PCNX1: variants seen among roughly 807,000 people sequenced by gnomAD.
PCNX1 encodes pecanex 1.
A neutral mutation model predicts 242.2 loss-of-function variants in PCNX1; 78 were observed. The observed-to-expected ratio is 0.32, with a 90% confidence interval of 0.27 to 0.39. PCNX1 has a LOEUF of 0.39. PCNX1 is among the 10% of genes least tolerant of loss of function. PCNX1 has a pLI of 1.00. For synonymous variants in PCNX1, 1,024 were observed against 1,032.9 expected, an observed-to-expected ratio of 0.99 and a Z score of 0.17; for missense variants, 2,581 against 2,856.5, an observed-to-expected ratio of 0.90 and a Z score of 2.20.
chr14:70,988,833 C>CCTTTTTGGCTTTTT, intron 7 of PCNX1, 134 bp downstream of exon 7: 1 of 1,099,206 alleles, frequency 9.1e-7, no homozygotes, highest in South Asian at 1.6e-5. Flanking sequence ...ACATTTAAGC[C>CCTTTTTGGCTTTTT]CTTTTTGGCT....
intron 28 of PCNX1, chr14:71,085,424 A>G (rs2061961589): frequency 6.6e-6 from 1 of 152,240 alleles, no homozygotes; most frequent in Non-Finnish European, 1.5e-5. Flanking sequence ...TTATTAATAC[A>G]AACACAAACT....
chr14:71,055,167 C>G (rs917763208), intron 24 of PCNX1, among the ~76,000 whole-genome samples: 1 of 152,140 alleles, frequency 6.6e-6, no homozygotes, highest in Non-Finnish European at 1.5e-5. Flanking sequence ...AAAGAATGTT[C>G]TAACCTCTTT....
chr14:70,994,396 G>GATAGATAGATATATATATATATATAT (rs1555357306), intron 7 of PCNX1, among the ~76,000 whole-genome samples: 2 of 96,970 alleles, frequency 2.1e-5, no homozygotes, highest in South Asian at 4.1e-4. Flanking sequence ...ACAGGCTTAA[G>GATAGATAGATATATATATATATATAT]ATATATATAT....
Position 71,105,359 on chromosome 14 carries a change from A to G in PCNX1, c.6220A>G (p.Thr2074Ala). 1 of 1,614,110 alleles carries G rather than the reference A, an allele frequency of 6.2e-7. No individual in the cohort carries two copies. Among genetic ancestry groups the G allele is most frequent in the Non-Finnish European group, 8.5e-7 (1 of 1,179,986 alleles). ...TTANNPHSNV[T>A]QGSIGNPGQG... ...TGCCAACAATCCCCACAGCAACGTG[A>G]CCCAGGGAAGCATTGGAAATCCTGG... Residue 2074 changes from threonine (T) to alanine (A), a missense_variant, in exon 33 of 36, where the codon ACC becomes GCC. Transcript: ENST00000304743.
chr14:71,024,595 C>G (rs1437043963), intron 13 of PCNX1, among the ~76,000 whole-genome samples: 1 of 152,062 alleles, frequency 6.6e-6, no homozygotes, highest in African/African-American at 2.4e-5. Context: ...AGGAATACTG[C>G]AAAAGTGCAT....
At chr14:71,085,060 G>A (rs868013755) in intron 28 of PCNX1, among the ~76,000 whole-genome samples, 25 of 152,154 alleles carry the variant, frequency 1.6e-4, no homozygotes, top group African/African-American at 4.8e-4. Context: ...TGTTCCTCAC[G>A]GCACGGTCCA....
At chr14:71,065,304 C>T (rs146488742) in intron 26 of PCNX1, among the ~76,000 whole-genome samples, 129 of 152,226 alleles carry the variant, frequency 8.5e-4, no homozygotes, top group African/African-American at 2.9e-3. Context: ...TTTTAATGAT[C>T]GCCATTGTAA....
At chr14:71,030,478 C>G (rs559878149) in intron 16 of PCNX1, among the ~76,000 whole-genome samples, 4 of 152,120 alleles carry the variant, frequency 2.6e-5, no homozygotes, top group Non-Finnish European at 5.9e-5. Context: ...TCTAGGGTTT[C>G]CTTGCCCACG....
intron 19 of PCNX1, among the ~76,000 whole-genome samples, chr14:71,036,621 GTCTA>G (rs2060541873): frequency 6.6e-6 from 1 of 152,112 alleles, no homozygotes; most frequent in African/African-American, 2.4e-5. Context: ...ATACTATCTT[GTCTA>G]TCTATGTAAG....
At chr14:71,021,220 C>G (rs2060092259) in intron 12 of PCNX1, among the ~76,000 whole-genome samples, 1 of 151,848 alleles carries the variant, frequency 6.6e-6, no homozygotes, top group African/African-American at 2.4e-5. Flanking sequence ...ATTTTTTTTG[C>G]TTAGGATTGT....
chr14:70,929,248 T>TC (rs2056700731), intron 1 of PCNX1, among the ~76,000 whole-genome samples: 1 of 152,102 alleles, frequency 6.6e-6, no homozygotes, highest in Non-Finnish European at 1.5e-5. Flanking sequence ...GTTTTTTTTT[T>TC]TCCCCTCTTA....
chr14:70,928,164 T>TA (rs1246600261), intron 1 of PCNX1, among the ~76,000 whole-genome samples: 1 of 152,186 alleles, frequency 6.6e-6, no homozygotes, highest in Non-Finnish European at 1.5e-5. Flanking sequence ...AGAATATAGT[T>TA]ATACTTTTAT....
At chr14:71,080,353 C>T (rs866224209) in intron 28 of PCNX1, among the ~76,000 whole-genome samples, 2 of 152,070 alleles carry the variant, frequency 1.3e-5, no homozygotes, top group African/African-American at 4.8e-5. Flanking sequence ...CTTGGCTATG[C>T]GGGCTCTTTT....
At chr14:70,961,743 A>G (rs1397547937) in intron 2 of PCNX1, among the ~76,000 whole-genome samples, 1 of 152,226 alleles carries the variant, frequency 6.6e-6, no homozygotes, top group Non-Finnish European at 1.5e-5. Flanking sequence ...TAGCTTGACC[A>G]GGGCGACTGT....
chr14:71,040,001 G>T (rs1003179641), intron 19 of PCNX1, among the ~76,000 whole-genome samples: 1 of 152,192 alleles, frequency 6.6e-6, no homozygotes, highest in South Asian at 2.1e-4. Flanking sequence ...ATTTAGGGAT[G>T]AAGTCTCACT....
At chr14:70,991,080 A>G (rs574024434) in intron 7 of PCNX1, among the ~76,000 whole-genome samples, 8 of 152,180 alleles carry the variant, frequency 5.3e-5, no homozygotes, top group African/African-American at 1.7e-4. Flanking sequence ...TTTGTCCTCT[A>G]CTAGGTGGAA....
At chr14:71,086,936 T>C (rs1222298353) in intron 28 of PCNX1, among the ~76,000 whole-genome samples, 1 of 152,092 alleles carries the variant, frequency 6.6e-6, no homozygotes, top group Non-Finnish European at 1.5e-5. Flanking sequence ...CTGTTTCAGC[T>C]AGGGGGGTAA....
At chr14:70,918,798 A>G (rs185908804) in intron 1 of PCNX1, among the ~76,000 whole-genome samples, 11 of 151,336 alleles carry the variant, frequency 7.3e-5, no homozygotes, top group African/African-American at 2.4e-4. Flanking sequence ...TTGTTTTCCC[A>G]CTCTCACATA....
chr14:71,022,455 T>G (rs2060130102), intron 12 of PCNX1, among the ~76,000 whole-genome samples: 1 of 152,164 alleles, frequency 6.6e-6, no homozygotes, highest in Non-Finnish European at 1.5e-5. Context: ...TAAAAGAGTT[T>G]AAAGATTATC....
Sources: gnomAD v4.1 joint callset for allele counts (sites outside exome capture counted in the v4.1 genomes callset) on GRCh38, gnomAD v4.1.1 for gene constraint, MANE v1.5 for transcripts, NCBI Gene and HGNC (gene_info 2026-07-23, HGNC 2026-07-21) for gene names.